KCNB2: variants seen among roughly 807,000 people sequenced by gnomAD.
The protein encoded by KCNB2 is delayed rectifier potassium channel protein.
KCNB2 carries 15 observed loss-of-function variants against 61.5 expected under a neutral mutation model. The observed-to-expected ratio is 0.24, with a 90% CI of 0.16 to 0.38. The LOEUF is 0.38. Among genes scored for constraint, KCNB2 ranks in the 10% least tolerant of loss-of-function variants. The pLI, the probability that KCNB2 is intolerant of heterozygous loss-of-function variation, is 1.00. For synonymous variants in KCNB2, 457 were observed against 446.0 expected (o/e 1.02, Z -0.31); for missense variants, 828 against 1,125.2 (o/e 0.74, Z 3.78).
At chr8:72,851,826 G>GAAAAAAAAAAAAAAAAAAAAAAAAAAAAA (rs55696554) in intron 2 of KCNB2, among the ~76,000 whole-genome samples, 1 of 43,868 alleles carries the variant, frequency 2.3e-5, no homozygotes, top group Non-Finnish European at 3.9e-5. Flanking sequence ...GAAGCTGTAG[G>GAAAAAAAAAAAAAAAAAAAAAAAAAAAAA]AAAAAAAAAA....
intron 2 of KCNB2, among the ~76,000 whole-genome samples, chr8:72,794,284 T>C (rs1414652286): frequency 1.3e-5 from 2 of 152,018 alleles, no homozygotes; most frequent in Non-Finnish European, 2.9e-5. Context: ...TAAAAAATGG[T>C]GGCCGGACAC....
chr8:72,701,602 G>A (rs193046746), intron 2 of KCNB2, among the ~76,000 whole-genome samples: 7 of 152,192 alleles, frequency 4.6e-5, no homozygotes, highest in Admixed American at 1.3e-4. Flanking sequence ...TTAGGAAAGA[G>A]GATAGGCTGG....
At chr8:72,825,859 C>T (rs912399530) in intron 2 of KCNB2, among the ~76,000 whole-genome samples, 3 of 152,134 alleles carry the variant, frequency 2.0e-5, no homozygotes, top group Admixed American at 6.5e-5. Context: ...TCTTTTCACT[C>T]TTTTGATAGT....
intron 2 of KCNB2, among the ~76,000 whole-genome samples, chr8:72,586,794 G>A (rs922905054): frequency 6.6e-6 from 1 of 152,112 alleles, no homozygotes; most frequent in Non-Finnish European, 1.5e-5. Context: ...AAAAAAGAAG[G>A]CAAACTATAG....
intron 2 of KCNB2, among the ~76,000 whole-genome samples, chr8:72,852,648 C>T (rs7829136): frequency 0.85 from 129,798 of 152,160 alleles, 56,325 homozygotes; most frequent in Middle Eastern, 0.97. Context: ...CACAGGATGG[C>T]AGGGATACTC....
intron 2 of KCNB2, among the ~76,000 whole-genome samples, chr8:72,921,832 A>G (rs58259736): frequency 0.038 from 5,720 of 152,234 alleles, 355 homozygotes; most frequent in African/African-American, 0.13. Flanking sequence ...TCCAAATTAA[A>G]CTGGTTTTCC....
chr8:72,645,068 A>G (rs1806108896), intron 2 of KCNB2, among the ~76,000 whole-genome samples: 1 of 152,134 alleles, frequency 6.6e-6, no homozygotes, highest in South Asian at 2.1e-4. Flanking sequence ...TGTGATCTTT[A>G]TGGAATATAA....
At chr8:72,583,446 T>C (rs1806939262) in intron 2 of KCNB2, among the ~76,000 whole-genome samples, 1 of 151,082 alleles carries the variant, frequency 6.6e-6, no homozygotes, top group Non-Finnish European at 1.5e-5. Context: ...TATAAATTAA[T>C]TCTTTCAAAA....
At chr8:72,676,580 A>G (rs1806657012) in intron 2 of KCNB2, among the ~76,000 whole-genome samples, 1 of 151,286 alleles carries the variant, frequency 6.6e-6, no homozygotes, top group African/African-American at 2.4e-5. Flanking sequence ...TCCAGTTAGA[A>G]CACTGCTGAT....
At chr8:72,931,920 C>T (rs7006230) in intron 2 of KCNB2, among the ~76,000 whole-genome samples, 52,625 of 151,974 alleles carry the variant, frequency 0.35, 9,836 homozygotes, top group Non-Finnish European at 0.42. Context: ...GGCTGAGGCA[C>T]AAGAATCGCT....
chr8:72,840,902 G>A (rs1278926409), intron 2 of KCNB2, among the ~76,000 whole-genome samples: 5 of 152,116 alleles, frequency 3.3e-5, no homozygotes, highest in African/African-American at 1.2e-4. Context: ...AAGCTCTTTA[G>A]TTTAATTAGG....
intron 2 of KCNB2, among the ~76,000 whole-genome samples, chr8:72,747,051 G>A (rs903661834): frequency 6.6e-6 from 1 of 152,056 alleles, no homozygotes; most frequent in Admixed American, 6.6e-5. Context: ...CAACCGACAT[G>A]GAAATGATTG....
Position 72,725,597 on chromosome 8 carries a change from A to ATATATATATGTATGTG in KCNB2, c.579+157293_579+157294insGTATGTGTATATATAT, listed in dbSNP as rs1563572076. 7.1e-3 allele frequency among the ~76,000 whole-genome samples: 362 copies of ATATATATATGTATGTG among 50,650 alleles called. 1 individual carries two copies. Among genetic ancestry groups the ATATATATATGTATGTG allele is most frequent in the African/African-American group, 0.018 (337 of 18,862 alleles). The allele number at this position is 50,650 out of a possible 152,430, so 33.2% of individuals were successfully genotyped here. ...TATGTATATATATATGTATGTATAT[A>ATATATATATGTATGTG]TATATATATATATATATATATATAT... On this transcript the variant is annotated intron_variant, in intron 2 of 2. Coordinates refer to ENST00000523207, the MANE Select transcript of KCNB2 (RefSeq NM_004770.3).
At chr8:72,808,888 C>T (rs1251750640) in intron 2 of KCNB2, among the ~76,000 whole-genome samples, 1 of 152,096 alleles carries the variant, frequency 6.6e-6, no homozygotes, top group Non-Finnish European at 1.5e-5. Flanking sequence ...TGTTAAGGAT[C>T]TACTTGGAGT....
At chr8:72,575,905 A>G (rs190136470) in intron 2 of KCNB2, among the ~76,000 whole-genome samples, 1 of 152,334 alleles carries the variant, frequency 6.6e-6, no homozygotes, top group East Asian at 1.9e-4. Flanking sequence ...TAAACAAAAT[A>G]TGTTCATAAT....
intron 2 of KCNB2, among the ~76,000 whole-genome samples, chr8:72,816,719 G>T (rs1809402146): frequency 6.6e-6 from 1 of 152,158 alleles, no homozygotes; most frequent in African/African-American, 2.4e-5. Context: ...CTTCCCTTAA[G>T]GATTCTAGGA....
chr8:72,781,780 C>T (rs1808759998), intron 2 of KCNB2, among the ~76,000 whole-genome samples: 1 of 152,000 alleles, frequency 6.6e-6, no homozygotes, highest in Admixed American at 6.6e-5. Context: ...ACTATGCAGC[C>T]ATAAAAAGGA....
chr8:72,724,190 G>T (rs750539653), intron 2 of KCNB2, among the ~76,000 whole-genome samples: 6 of 152,078 alleles, frequency 3.9e-5, no homozygotes, highest in Non-Finnish European at 8.8e-5. Context: ...AGGATATCAC[G>T]TGTCACTGTC....
chr8:72,614,926 T>C (rs763500410), intron 2 of KCNB2, among the ~76,000 whole-genome samples: 7 of 152,042 alleles, frequency 4.6e-5, no homozygotes, highest in African/African-American at 1.7e-4. Flanking sequence ...ACCAAAAATA[T>C]CAAACAAGCA....
Sources: allele counts gnomAD v4.1 joint callset (sites outside exome capture counted in the v4.1 genomes callset), GRCh38; gene constraint gnomAD v4.1.1; transcripts MANE v1.5; gene names NCBI Gene and HGNC (gene_info 2026-07-23, HGNC 2026-07-21).